The following SGCD variants were observed in gnomAD, a reference collection of about 807,000 sequenced individuals.
SGCD encodes sarcoglycan delta.
A neutral mutation model predicts 36.6 loss-of-function variants in SGCD; 18 were observed. The observed-to-expected ratio is 0.49, with a 90% CI of 0.34 to 0.73. The LOEUF (loss-of-function observed/expected upper bound fraction) is 0.73, where lower values mean the gene tolerates loss of function less well. Ranked by LOEUF, SGCD falls within the 30% of genes least tolerant of loss-of-function variation. The pLI, the probability that SGCD is intolerant of heterozygous loss-of-function variation, is 0.01. For missense variants in SGCD, 387 were observed against 346.7 expected (o/e 1.12, Z -0.92); for synonymous variants, 133 against 130.6 (o/e 1.02, Z -0.12).
the SGCD span, among the ~76,000 whole-genome samples, chr5:155,731,159 A>G: frequency 6.6e-6 from 1 of 152,076 alleles, no homozygotes; most frequent in African/African-American, 2.4e-5. Flanking sequence ...AGAGATGGAG[A>G]GAGAGGCAGA....
chr5:156,072,271 G>A (rs1250079216), intron 1 of SGCD, among the ~76,000 whole-genome samples: 8 of 152,064 alleles, frequency 5.3e-5, no homozygotes, highest in Non-Finnish European at 1.2e-4. Flanking sequence ...GCTGGTACCA[G>A]TTGTTCCTTT....
the SGCD span, among the ~76,000 whole-genome samples, chr5:155,820,277 G>A: frequency 6.6e-6 from 1 of 152,044 alleles, no homozygotes; most frequent in Non-Finnish European, 1.5e-5. Flanking sequence ...TTTTTTCTGA[G>A]TTTGGCTTCT....
intron 3 of SGCD, among the ~76,000 whole-genome samples, chr5:156,407,355 C>T (rs1271855957): frequency 6.6e-6 from 1 of 152,170 alleles, no homozygotes; most frequent in Non-Finnish European, 1.5e-5. Flanking sequence ...GTGGTGCTTC[C>T]TGGGCCCTCA....
intron 6 of SGCD, among the ~76,000 whole-genome samples, chr5:156,644,576 TCGCAA>T (rs1763159832): frequency 6.6e-6 from 1 of 152,212 alleles, no homozygotes; most frequent in East Asian, 1.9e-4. Context: ...AGAAAATGTT[TCGCAA>T]TTTCCTTTCA....
intron 3 of SGCD, among the ~76,000 whole-genome samples, chr5:156,253,319 G>A (rs1765631279): frequency 6.6e-6 from 1 of 152,128 alleles, no homozygotes; most frequent in South Asian, 2.1e-4. Context: ...TGAGACCTCT[G>A]CTCAGCTTCT....
chr5:156,593,180 T>C (rs1237470001), intron 5 of SGCD, among the ~76,000 whole-genome samples: 2 of 152,208 alleles, frequency 1.3e-5, no homozygotes, highest in Non-Finnish European at 2.9e-5. Context: ...CCCCAAATCA[T>C]GTTATCACAG....
intron 7 of SGCD, among the ~76,000 whole-genome samples, chr5:156,696,109 T>C (rs1754308995): frequency 6.6e-6 from 1 of 152,212 alleles, no homozygotes; most frequent in Non-Finnish European, 1.5e-5. Flanking sequence ...GAACTGTTCA[T>C]GTGGGGTCAG....
chr5:156,336,107 G>A (rs1236592439), intron 2 of SGCD, among the ~76,000 whole-genome samples: 1 of 152,096 alleles, frequency 6.6e-6, no homozygotes, highest in Non-Finnish European at 1.5e-5. Context: ...TTCTGCCTGT[G>A]CCCAAGCTAA....
chr5:156,080,259 A>C lies in SGCD; in HGVS notation c.-281-37619A>C, dbSNP rs546335727. On this transcript the variant is annotated intron_variant, in intron 1 of 9. Transcript: ENST00000517913. ...GTGGCACCCCAGGCCTGGCCCATGAAATCATCTAGTCCTCTTAGGTCTCTG... is the reference window on the plus strand; with the variant it reads ...GTGGCACCCCAGGCCTGGCCCATGACATCATCTAGTCCTCTTAGGTCTCTG... 5.8e-4 allele frequency among the ~76,000 whole-genome samples: 89 copies of C among 152,224 alleles called. 1 individual carries two copies. The highest frequency in any genetic ancestry group is 2.1e-3 in the African/African-American group (86 of 41,556).
At chr5:156,719,550 T>G (rs1000689898) in intron 7 of SGCD, among the ~76,000 whole-genome samples, 1 of 152,152 alleles carries the variant, frequency 6.6e-6, no homozygotes, top group Non-Finnish European at 1.5e-5. Context: ...AACTGCTGTA[T>G]CTAGCACATT....
chr5:156,675,668 G>A (rs575095719), intron 7 of SGCD, among the ~76,000 whole-genome samples: 2 of 152,252 alleles, frequency 1.3e-5, no homozygotes, highest in South Asian at 4.1e-4. Context: ...AAGCACTGTG[G>A]CTATGAATAA....
At chr5:155,956,824 A>G (rs1446943019) in intron 1 of SGCD, among the ~76,000 whole-genome samples, 1 of 138,530 alleles carries the variant, frequency 7.2e-6, no homozygotes, top group African/African-American at 2.6e-5. Flanking sequence ...ATCCAGGATG[A>G]TCTAATCTCG....
At chr5:156,016,140 C>A (rs1758972965) in intron 1 of SGCD, among the ~76,000 whole-genome samples, 10 of 152,030 alleles carry the variant, frequency 6.6e-5, no homozygotes. Context: ...TTCTGCAATA[C>A]ACATGTAATA....
At chr5:155,978,539 A>G (rs191327168) in intron 1 of SGCD, among the ~76,000 whole-genome samples, 62 of 152,368 alleles carry the variant, frequency 4.1e-4, no homozygotes, top group Admixed American at 3.9e-3. Context: ...CACCAATGAG[A>G]TGTGTTAACT....
chr5:156,402,908 T>C (rs955618888), intron 3 of SGCD, among the ~76,000 whole-genome samples: 3 of 152,186 alleles, frequency 2.0e-5, no homozygotes, highest in African/African-American at 4.8e-5. Context: ...GCCTCAGTAT[T>C]GCTGGATCAT....
chr5:156,425,657 T>A (rs1773638917), intron 3 of SGCD, among the ~76,000 whole-genome samples: 1 of 151,930 alleles, frequency 6.6e-6, no homozygotes, highest in Non-Finnish European at 1.5e-5. Context: ...GGTGCACCCA[T>A]CACCCGAGCA....
chr5:155,931,707 C>G (rs752156317), intron 1 of SGCD, among the ~76,000 whole-genome samples: 1 of 152,054 alleles, frequency 6.6e-6, no homozygotes, highest in Non-Finnish European at 1.5e-5. Context: ...TGTTAGCTAC[C>G]CTTAGCATTT....
intron 3 of SGCD, among the ~76,000 whole-genome samples, chr5:156,301,197 TGAA>T (rs1767046223): frequency 6.6e-6 from 1 of 152,052 alleles, no homozygotes; most frequent in African/African-American, 2.4e-5. Context: ...TTCCTTTTAG[TGAA>T]GAAGATTTTC....
intron 3 of SGCD, among the ~76,000 whole-genome samples, chr5:156,254,497 A>G (rs1012527655): frequency 5.3e-5 from 8 of 152,106 alleles, no homozygotes; most frequent in African/African-American, 1.9e-4. Flanking sequence ...TGAGTGTTAC[A>G]TTGTGTCATT....
Sources: allele counts gnomAD v4.1 joint callset (sites outside exome capture counted in the v4.1 genomes callset), GRCh38; gene constraint gnomAD v4.1.1; transcripts MANE v1.5; gene names NCBI Gene and HGNC (gene_info 2026-07-23, HGNC 2026-07-21).